The following ADD2 variants were observed in gnomAD, a reference collection of about 807,000 sequenced individuals.
ADD2 encodes the protein adducin 2.
In ADD2, 23 loss-of-function variants were observed where a neutral mutation model predicts 83.0. The observed-to-expected ratio is 0.28, with a 90% CI of 0.20 to 0.39. The LOEUF (loss-of-function observed/expected upper bound fraction) is 0.39, where lower values mean the gene tolerates loss of function less well. Among genes scored for constraint, ADD2 ranks in the 10% least tolerant of loss-of-function variants. The probability of loss-of-function intolerance (pLI) is 1.00; values close to 1 mark genes in which losing one functional copy is unlikely to be tolerated. For synonymous variants in ADD2, 375 were observed against 375.4 expected (o/e 1.00, Z 0.01); for missense variants, 758 against 944.9 (o/e 0.80, Z 2.59).
chr2:70,703,730 T>C (rs1437107864), intron 4 of ADD2, among the ~76,000 whole-genome samples: 2 of 152,204 alleles, frequency 1.3e-5, no homozygotes, highest in Non-Finnish European at 2.9e-5. Context: ...CATTTGTGTT[T>C]GCATAATCTA....
intron 15 of ADD2, among the ~76,000 whole-genome samples, chr2:70,664,774 A>G (rs1553365814): frequency 6.7e-6 from 1 of 149,458 alleles, no homozygotes; most frequent in Non-Finnish European, 1.5e-5. Context: ...TGCAAGTGTG[A>G]GTGGGCAGGT....
Position 70,768,134 on chromosome 2 carries a change from G to T in ADD2, c.-402C>A. ...TCCTTGACAAAAGGCTCGGGTTCCC[G>T]CTAGTCCCTCACAGCCCTGCCGTCA... On this transcript the variant is annotated 5_prime_UTR_variant, in exon 1 of 16. Transcript: ENST00000264436. 1.5e-6 allele frequency: 1 copy of T among 657,666 alleles called. No homozygotes were observed. The highest frequency in any genetic ancestry group is 2.6e-6 in the Non-Finnish European group (1 of 389,622). 40.7% of individuals were successfully genotyped at this position (657,666 alleles called of 1,614,324 possible).
intron 4 of ADD2, among the ~76,000 whole-genome samples, chr2:70,702,386 C>T (rs1297853607): frequency 1.3e-5 from 2 of 152,114 alleles, no homozygotes; most frequent in Non-Finnish European, 2.9e-5. Context: ...GGGCTGGTCT[C>T]AAACTCCTGA....
At chr2:70,724,017 G>C (rs1302201307) in intron 1 of ADD2, among the ~76,000 whole-genome samples, 1 of 152,222 alleles carries the variant, frequency 6.6e-6, no homozygotes, top group Non-Finnish European at 1.5e-5. Context: ...CCAAGGCAGG[G>C]TATGGACCAA....
intron 1 of ADD2, among the ~76,000 whole-genome samples, chr2:70,716,169 C>T (rs1239673296): frequency 6.6e-6 from 1 of 152,136 alleles, no homozygotes; most frequent in Non-Finnish European, 1.5e-5. Flanking sequence ...AATGCACACC[C>T]CATGTTAACA....
chr2:70,718,776 G>A (rs782397711), intron 1 of ADD2, among the ~76,000 whole-genome samples: 2 of 152,308 alleles, frequency 1.3e-5, no homozygotes, highest in Non-Finnish European at 2.9e-5. Context: ...CAGAACCTGG[G>A]TTTGAACCCC....
chr2:70,693,349 C>T (rs1031669969), intron 6 of ADD2, among the ~76,000 whole-genome samples: 1 of 152,186 alleles, frequency 6.6e-6, no homozygotes, highest in Non-Finnish European at 1.5e-5. Context: ...GTTCCCTGGA[C>T]ATTAACAAGC....
chr2:70,671,418 A>C (rs1669889099), intron 15 of ADD2, among the ~76,000 whole-genome samples: 1 of 152,122 alleles, frequency 6.6e-6, no homozygotes, highest in South Asian at 2.1e-4. Flanking sequence ...ATTGGCCATG[A>C]ATTTTACAGC....
chr2:70,702,544 A>G (rs1671647558), intron 4 of ADD2, among the ~76,000 whole-genome samples: 2 of 152,240 alleles, frequency 1.3e-5, no homozygotes, highest in Non-Finnish European at 2.9e-5. Context: ...TATTTGTTCC[A>G]TCAGATGATG....
intron 1 of ADD2, among the ~76,000 whole-genome samples, chr2:70,734,266 C>A (rs144677592): frequency 9.7e-4 from 148 of 152,220 alleles, no homozygotes; most frequent in African/African-American, 3.2e-3. Context: ...AAGTGATTGA[C>A]CCATCTTATA....
At chr2:70,718,254 T>C (rs1034655204) in intron 1 of ADD2, among the ~76,000 whole-genome samples, 21 of 152,234 alleles carry the variant, frequency 1.4e-4, no homozygotes, top group African/African-American at 5.1e-4. Context: ...CCATACCCTC[T>C]AACTAAATAA....
intron 15 of ADD2, among the ~76,000 whole-genome samples, chr2:70,666,854 C>T (rs1389206124): frequency 1.3e-5 from 2 of 152,206 alleles, no homozygotes; most frequent in Non-Finnish European, 2.9e-5. Context: ...GGTTCCACAT[C>T]ATGAATTGTT....
intron 2 of ADD2, among the ~76,000 whole-genome samples, chr2:70,709,153 C>A (rs1334399434): frequency 3.3e-5 from 5 of 152,136 alleles, no homozygotes; most frequent in African/African-American, 1.2e-4. Flanking sequence ...GCTGCCAAAC[C>A]AGGACCTATG....
intron 1 of ADD2, among the ~76,000 whole-genome samples, chr2:70,745,829 G>A (rs1553381893): frequency 3.3e-5 from 5 of 152,214 alleles, no homozygotes; most frequent in Non-Finnish European, 7.3e-5. Context: ...GCAGAGAGGA[G>A]ATAAATTGAG....
chr2:70,728,560 A>G (rs1357691723), intron 1 of ADD2, among the ~76,000 whole-genome samples: 1 of 152,240 alleles, frequency 6.6e-6, no homozygotes, highest in East Asian at 1.9e-4. Context: ...TTGATTGAAG[A>G]CACTCTCTGA....
chr2:70,744,605 G>A (rs1674086741), intron 1 of ADD2, among the ~76,000 whole-genome samples: 1 of 152,232 alleles, frequency 6.6e-6, no homozygotes, highest in South Asian at 2.1e-4. Flanking sequence ...CATTGTGGCT[G>A]AAGCTGAGTG....
chr2:70,675,646 G>A lies in ADD2; in HGVS notation c.1594-821C>T, dbSNP rs1334146891. 7 of 985,332 alleles carry A rather than the reference G, an allele frequency of 7.1e-6. No homozygotes were observed. In the African/African-American group the frequency reaches 8.7e-5, roughly 12 times the overall value. 61.0% of individuals were successfully genotyped at this position (985,332 alleles called of 1,614,324 possible). A position where few individuals can be genotyped will look rare whatever the true frequency, so the allele number is the denominator to read the frequency against. On this transcript the variant is annotated intron_variant, in intron 13 of 15. Transcript: ENST00000264436. Reference sequence around the variant, plus strand: ...GCTCTGAAGCTGAGGAGCAAAGAGAGTGAAGCCAAAGGGAGGTGAGCCTGG... The same window carrying A: ...GCTCTGAAGCTGAGGAGCAAAGAGAATGAAGCCAAAGGGAGGTGAGCCTGG...
chr2:70,767,547 C>CGGCTA (rs1675465298), intron 1 of ADD2: 1 of 914,818 alleles, frequency 1.1e-6, no homozygotes, highest in Non-Finnish European at 1.4e-6. Context: ...CGGCCCCGCC[C>CGGCTA]GGCTAGGCGA....
intron 10 of ADD2, among the ~76,000 whole-genome samples, chr2:70,682,517 C>A (rs1670511997): frequency 2.0e-5 from 3 of 152,070 alleles, no homozygotes; most frequent in Admixed American, 1.3e-4. Flanking sequence ...ATTGCCATAA[C>A]CTTGACATGA....
Sources: allele counts gnomAD v4.1 joint callset (sites outside exome capture counted in the v4.1 genomes callset), GRCh38; gene constraint gnomAD v4.1.1; transcripts MANE v1.5; gene names NCBI Gene and HGNC (gene_info 2026-07-23, HGNC 2026-07-21).